The following GRIP1 variants were observed in gnomAD, a reference collection of about 807,000 sequenced individuals.
GRIP1 encodes glutamate receptor interacting protein 1.
GRIP1 carries 45 observed loss-of-function variants against 129.9 expected under a neutral mutation model. The observed-to-expected ratio is 0.35, with a 90% CI of 0.27 to 0.44. GRIP1 has a LOEUF of 0.44. Among genes scored for constraint, GRIP1 ranks in the 20% least tolerant of loss-of-function variants. GRIP1 has a pLI of 1.00. For synonymous variants in GRIP1, 530 were observed against 520.8 expected (o/e 1.02, Z -0.24); for missense variants, 1,196 against 1,396.8 (o/e 0.86, Z 2.29).
At chr12:66,517,849 C>T (rs2060891298) in intron 6 of GRIP1, 52 bp downstream of exon 6, 4 of 944,034 alleles carry the variant, frequency 4.2e-6, no homozygotes, top group African/African-American at 1.6e-5. Flanking sequence ...TGTTAAAGTC[C>T]CCAGCTTTAT....
At chr12:66,534,690 C>T (rs114872137) in intron 4 of GRIP1, among the ~76,000 whole-genome samples, 424 of 151,776 alleles carry the variant, frequency 2.8e-3, no homozygotes, top group African/African-American at 9.8e-3. Flanking sequence ...GTCCATTCTT[C>T]CTTCTCTCTC....
At chr12:66,621,048 AT>A (rs35192071) in intron 1 of GRIP1, among the ~76,000 whole-genome samples, 29,615 of 152,172 alleles carry the variant, frequency 0.19, 3,010 homozygotes, top group Non-Finnish European at 0.23. Context: ...TTGGAAAAGC[AT>A]TTTATAAATT....
At chr12:66,719,805 C>T (rs2036004051) in intron 1 of GRIP1, among the ~76,000 whole-genome samples, 1 of 152,134 alleles carries the variant, frequency 6.6e-6, no homozygotes, top group Admixed American at 6.6e-5. Context: ...AATGTTCGGG[C>T]TTATGTACAA....
intron 2 of GRIP1, chr12:66,563,537 C>T (rs77660917): frequency 0.13 from 19,933 of 159,020 alleles, 1,311 homozygotes; most frequent in East Asian, 0.18. Context: ...GACATTGATG[C>T]TGCAACTGAA....
At chr12:66,524,674 A>C (rs940342038) in intron 5 of GRIP1, among the ~76,000 whole-genome samples, 1 of 152,200 alleles carries the variant, frequency 6.6e-6, no homozygotes, top group Non-Finnish European at 1.5e-5. Context: ...GAAATAACTA[A>C]AATCAGAGCA....
At chr12:66,704,789 A>G (rs1239266715) in intron 1 of GRIP1, among the ~76,000 whole-genome samples, 2 of 152,164 alleles carry the variant, frequency 1.3e-5, no homozygotes, top group Non-Finnish European at 2.9e-5. Flanking sequence ...TTGCTTAAAA[A>G]TAAAAGCACT....
At chr12:66,939,603 G>C (rs1311870027) in intron 1 of GRIP1, among the ~76,000 whole-genome samples, 7 of 152,080 alleles carry the variant, frequency 4.6e-5, no homozygotes. Flanking sequence ...ACTGGGGCAT[G>C]GGCTGTAGAA....
chr12:66,394,327 A>G lies in GRIP1; in HGVS notation c.2010T>C (p.Ile670=). The G allele has an allele frequency of 1.2e-6, 2 of 1,614,066 alleles. No individual in the cohort carries two copies. Among genetic ancestry groups the G allele is most frequent in the Non-Finnish European group, 1.7e-6 (2 of 1,179,924 alleles). The change falls in exon 17 of 25, where the codon ATT becomes ATC. Residue 670 remains isoleucine (I), a synonymous_variant. Transcript: ENST00000359742. ...AGCGTTTAAGCTCCACGGTGTAAAT[A>G]ATTGCTCCGGAACTTTCTTGCTCAT... The part of the protein sequence containing the change: ...NSDEQESSGA[I]IYTVELKRYG...
In GRIP1 at chr12:66,394,340, C is replaced by T; in HGVS notation, c.1997G>A (p.Ser666Asn). 6.8e-6 allele frequency: 11 copies of T among 1,614,070 alleles called. No homozygotes were observed. Among genetic ancestry groups the T allele is most frequent in the Non-Finnish European group, 9.3e-6 (11 of 1,179,916 alleles). Residue 666 changes from serine (S) to asparagine (N), a missense_variant, in exon 17 of 25, where the codon AGT becomes AAT. This residue lies in a region of GRIP1 where 508 missense variants were observed against 587.0 expected (regional missense o/e 0.87). Transcript: ENST00000359742. ...CACGGTGTAAATAATTGCTCCGGAA[C>T]TTTCTTGCTCATCTGTAATAAATGC... ...KDEDNSDEQE[S>N]SGAIIYTVEL...
At chr12:66,421,078 A>C (rs1251594595) in intron 14 of GRIP1, among the ~76,000 whole-genome samples, 3 of 152,226 alleles carry the variant, frequency 2.0e-5, no homozygotes, top group African/African-American at 7.2e-5. Context: ...TTCTCAAGAG[A>C]GGACCTGAAG....
At chr12:66,403,934 G>A (rs1289652013) in intron 16 of GRIP1, among the ~76,000 whole-genome samples, 1 of 152,156 alleles carries the variant, frequency 6.6e-6, no homozygotes, top group Non-Finnish European at 1.5e-5. Flanking sequence ...ATTCATCTCT[G>A]GCTTGGCTTT....
intron 1 of GRIP1, among the ~76,000 whole-genome samples, chr12:66,884,713 C>A (rs2040536299): frequency 1.3e-5 from 2 of 152,186 alleles, no homozygotes; most frequent in African/African-American, 2.4e-5. Context: ...CAAACAATTT[C>A]TTGGGCAGAA....
chr12:66,767,602 A>G (rs902818749), intron 1 of GRIP1, among the ~76,000 whole-genome samples: 1 of 152,104 alleles, frequency 6.6e-6, no homozygotes, highest in Non-Finnish European at 1.5e-5. Context: ...AATCAGTATA[A>G]CTGACTTTTG....
chr12:66,715,351 T>C (rs930426864), intron 1 of GRIP1, among the ~76,000 whole-genome samples: 24 of 151,888 alleles, frequency 1.6e-4, no homozygotes, highest in African/African-American at 4.8e-4. Flanking sequence ...CCTACAACCC[T>C]GTGAGGAGAA....
At chr12:66,747,668 C>T (rs2036991734) in intron 1 of GRIP1, among the ~76,000 whole-genome samples, 1 of 152,156 alleles carries the variant, frequency 6.6e-6, no homozygotes, top group African/African-American at 2.4e-5. Flanking sequence ...GGCATATACC[C>T]AGCAAGAGCT....
chr12:66,812,801 TG>T (rs1408940601), intron 1 of GRIP1, among the ~76,000 whole-genome samples: 1 of 152,258 alleles, frequency 6.6e-6, no homozygotes, highest in Admixed American at 6.5e-5. Context: ...TGGTTGATTT[TG>T]GTGTTTGACA....
chr12:66,937,749 A>C (rs1323854535), intron 1 of GRIP1, among the ~76,000 whole-genome samples: 2 of 152,194 alleles, frequency 1.3e-5, no homozygotes, highest in Non-Finnish European at 2.9e-5. Flanking sequence ...AATAGATATT[A>C]GAGTTTCCAA....
intron 7 of GRIP1, among the ~76,000 whole-genome samples, chr12:66,477,115 ATATT>A (rs1390876308): frequency 1.3e-5 from 2 of 152,196 alleles, no homozygotes; most frequent in Non-Finnish European, 2.9e-5. Flanking sequence ...ACATGATTGT[ATATT>A]TAGAAAACCC....
chr12:66,498,511 T>G (rs918938040), intron 7 of GRIP1, among the ~76,000 whole-genome samples: 1 of 152,058 alleles, frequency 6.6e-6, no homozygotes, highest in Non-Finnish European at 1.5e-5. Context: ...TTTTATTTCC[T>G]CTGATTTCTC....
Sources: gnomAD v4.1 joint callset for allele counts (sites outside exome capture counted in the v4.1 genomes callset) on GRCh38, gnomAD v4.1.1 for gene constraint, gnomAD v4.1.1 regional missense constraint, MANE v1.5 for transcripts, NCBI Gene and HGNC (gene_info 2026-07-23, HGNC 2026-07-21) for gene names.